Variants in PECR observed in about 807,000 individuals in gnomAD.
PECR encodes the protein peroxisomal trans-2-enoyl-CoA reductase, also known as 2,4-dienoyl-CoA reductase-related protein.
Under a neutral mutation model 35.3 loss-of-function variants are expected in PECR, and 30 were observed. The observed-to-expected ratio is 0.85, with a 90% CI of 0.64 to 1.15. PECR has a LOEUF of 1.15. Among genes scored for constraint, PECR ranks in the 50% most tolerant of loss-of-function variants. The pLI is 0.00. For synonymous variants in PECR, 148 were observed against 138.9 expected (o/e 1.07, Z -0.46); for missense variants, 392 against 370.8 (o/e 1.06, Z -0.47).
intron 6 of PECR, among the ~76,000 whole-genome samples, chr2:216,047,797 A>T (rs552356819): frequency 6.6e-6 from 1 of 152,156 alleles, no homozygotes; most frequent in Non-Finnish European, 1.5e-5. Flanking sequence ...AATTCCCAAA[A>T]GATATTAAAT....
chr2:216,059,656 T>C (rs1695295674), intron 3 of PECR, among the ~76,000 whole-genome samples: 2 of 152,210 alleles, frequency 1.3e-5, no homozygotes, highest in African/African-American at 4.8e-5. Context: ...GGGGATGTAG[T>C]TTCTACACGC....
At chr2:216,055,911 T>C (rs1559212680) in intron 4 of PECR, among the ~76,000 whole-genome samples, 1 of 152,226 alleles carries the variant, frequency 6.6e-6, no homozygotes, top group Non-Finnish European at 1.5e-5. Flanking sequence ...TCTGTGTCTT[T>C]ACACAGTAAA....
chr2:216,070,581 T>C (rs1695569852), intron 1 of PECR, among the ~76,000 whole-genome samples: 1 of 152,194 alleles, frequency 6.6e-6, no homozygotes, highest in African/African-American at 2.4e-5. Flanking sequence ...ATTACGACAC[T>C]GAACGAAGGA....
At chr2:216,070,109 G>A (rs988263175) in intron 1 of PECR, among the ~76,000 whole-genome samples, 5 of 152,102 alleles carry the variant, frequency 3.3e-5, no homozygotes, top group East Asian at 1.9e-4. Flanking sequence ...AGCACTAATC[G>A]AATGACTCGA....
In PECR at chr2:216,070,532, G is replaced by A. The variant is rs72952635; in HGVS notation, c.125-4014C>T. On this transcript the variant is annotated intron_variant, in intron 1 of 7. Transcript: ENST00000265322. ...GGTTACTACTTGAGACCGTCACTAC[G>A]ACAGTTACTACTGTTACTACTTACT... Among the ~76,000 whole-genome samples the A allele has an allele frequency of 6.9e-3, 1,046 of 152,232 alleles. 7 individuals are homozygous for A. Among genetic ancestry groups the A allele is most frequent in the South Asian group, 0.014 (69 of 4,820 alleles).
At chr2:216,078,282 T>C (rs1695752444) in intron 1 of PECR, among the ~76,000 whole-genome samples, 1 of 151,820 alleles carries the variant, frequency 6.6e-6, no homozygotes, top group Non-Finnish European at 1.5e-5. Context: ...CTAGTAAAAA[T>C]ATGACAATGT....
Position 216,051,558 on chromosome 2 carries a change from A to G in PECR, c.507-13T>C. The G allele has an allele frequency of 1.4e-6, 2 of 1,473,460 alleles. No individual in the cohort carries two copies. 91.3% of individuals were successfully genotyped at this position (1,473,460 alleles called of 1,614,324 possible). ...AGCTCCAGAATGCCTTTGAAAGACA[A>G]AACATAAACATGACAATCAGCTTCT... On this transcript the variant is annotated splice_polypyrimidine_tract_variant and intron_variant, in intron 4 of 7. Transcript: ENST00000265322.
intron 3 of PECR, chr2:216,065,071 A>G (rs2105961579): frequency 1.9e-6 from 1 of 540,090 alleles, no homozygotes; most frequent in East Asian, 3.3e-5. Flanking sequence ...ATCTATGTAC[A>G]GATCATTAAT....
intron 7 of PECR, among the ~76,000 whole-genome samples, chr2:216,042,964 C>T (rs139988456): frequency 0.023 from 2,195 of 93,742 alleles, 63 homozygotes; most frequent in Non-Finnish European, 0.035. Flanking sequence ...TATATATATA[C>T]ACATACGTAT....
intron 7 of PECR, among the ~76,000 whole-genome samples, chr2:216,030,568 G>A (rs1379629184): frequency 6.6e-6 from 1 of 151,732 alleles, no homozygotes; most frequent in Admixed American, 6.6e-5. Context: ...TTTTGAGACG[G>A]GGTCTCGCCC....
chr2:216,057,951 G>C (rs1339164981), intron 4 of PECR: 1 of 152,146 alleles, frequency 6.6e-6, no homozygotes, highest in Non-Finnish European at 1.5e-5. Flanking sequence ...CTAGAGTGTT[G>C]ACCTGTAACT....
chr2:216,065,173 TA>T, intron 3 of PECR, 138 bp downstream of exon 3: 1 of 756,846 alleles, frequency 1.3e-6, no homozygotes, highest in Non-Finnish European at 2.4e-6. Flanking sequence ...TACTGAAATG[TA>T]CCAATTTACA....
intron 6 of PECR, among the ~76,000 whole-genome samples, chr2:216,045,840 G>C (rs1377903694): frequency 6.6e-6 from 1 of 152,172 alleles, no homozygotes; most frequent in Admixed American, 6.5e-5. Context: ...TCCCACCCAA[G>C]TAGTCACAAC....
At chr2:216,079,340 T>C (rs1165773533) in intron 1 of PECR, among the ~76,000 whole-genome samples, 3 of 152,054 alleles carry the variant, frequency 2.0e-5, no homozygotes, top group African/African-American at 7.2e-5. Context: ...TCTTATAAAC[T>C]TCCTTCCAGT....
chr2:216,067,061 G>GC (rs1160620778), intron 1 of PECR, among the ~76,000 whole-genome samples: 1 of 151,992 alleles, frequency 6.6e-6, no homozygotes, highest in East Asian at 1.9e-4. Context: ...CCCTTGGATT[G>GC]CCCCAGCTTG....
chr2:216,062,487 A>G (rs892846762), intron 3 of PECR, among the ~76,000 whole-genome samples: 1 of 152,226 alleles, frequency 6.6e-6, no homozygotes, highest in Non-Finnish European at 1.5e-5. Context: ...AGTCTATAGG[A>G]AAGTCCAAAT....
chr2:216,041,405 A>G (rs1340032941), intron 7 of PECR, among the ~76,000 whole-genome samples: 1 of 152,204 alleles, frequency 6.6e-6, no homozygotes, highest in Non-Finnish European at 1.5e-5. Flanking sequence ...CTTCTTTCCA[A>G]CCAAGACCCT....
At chr2:216,056,184 C>G (rs1344825975) in intron 4 of PECR, among the ~76,000 whole-genome samples, 1 of 152,014 alleles carries the variant, frequency 6.6e-6, no homozygotes, top group Non-Finnish European at 1.5e-5. Context: ...GCACATGTAC[C>G]TGTACTGGTC....
intron 7 of PECR, 75 bp from the exon 8 acceptor site, chr2:216,039,435 T>A (rs565052570): frequency 1.2e-6 from 1 of 839,262 alleles, no homozygotes; most frequent in South Asian, 1.3e-5. Flanking sequence ...AATCCTCTTG[T>A]TAATTTCCCT....
Sources: allele counts gnomAD v4.1 joint callset (sites outside exome capture counted in the v4.1 genomes callset), GRCh38; gene constraint gnomAD v4.1.1; transcripts MANE v1.5; gene names NCBI Gene and HGNC (gene_info 2026-07-23, HGNC 2026-07-21).